HECTD4: variants seen among roughly 807,000 people sequenced by gnomAD.
HECTD4 encodes the protein HECT domain E3 ubiquitin protein ligase 4.
HECTD4 carries 114 observed loss-of-function variants against 471.5 expected under a neutral mutation model. That is an observed-to-expected ratio of 0.24 (90% CI 0.21 to 0.28). HECTD4 has a LOEUF of 0.28. Ranked by LOEUF, HECTD4 falls within the 10% of genes least tolerant of loss-of-function variation. HECTD4 has a pLI of 1.00. For missense variants in HECTD4, 3,866 were observed against 5,651.5 expected (o/e 0.68, Z 10.13); for synonymous variants, 2,012 against 2,256.0 (o/e 0.89, Z 3.07).
chr12:112,278,972 T>G (rs1277087712), intron 9 of HECTD4, among the ~76,000 whole-genome samples: 1 of 152,222 alleles, frequency 6.6e-6, no homozygotes, highest in Non-Finnish European at 1.5e-5. Context: ...TTATTTTATT[T>G]CCTAAAACTT....
At chr12:112,165,227 T>A (rs2030892087) in intron 72 of HECTD4, among the ~76,000 whole-genome samples, 1 of 151,494 alleles carries the variant, frequency 6.6e-6, no homozygotes, top group Non-Finnish European at 1.5e-5. Flanking sequence ...TCTTTCTTTT[T>A]TTTTTTTTAA....
chr12:112,248,584 T>C, intron 25 of HECTD4, 72 bp from the exon 26 acceptor site: 2 of 1,040,858 alleles, frequency 1.9e-6, no homozygotes, highest in Non-Finnish European at 2.7e-6. Flanking sequence ...TTTATTTTTA[T>C]TTTTTATTTC....
chr12:112,191,388 C>G lies in HECTD4; in HGVS notation c.9293-423G>C, dbSNP rs1026852092. On this transcript the variant is annotated intron_variant, in intron 59 of 75. Coordinates refer to ENST00000682272, the MANE Select transcript of HECTD4 (RefSeq NM_001388303.1). ...GACCATTATGCTTATTACAGTGGAC[C>G]AGCAAGGGGTCCCCAAGACTTAAGA... 2.0e-5 allele frequency among the ~76,000 whole-genome samples: 3 copies of G among 152,178 alleles called. 1 individual carries two copies. The highest frequency in any genetic ancestry group is 7.2e-5 in the African/African-American group (3 of 41,434).
intron 7 of HECTD4, among the ~76,000 whole-genome samples, chr12:112,303,632 T>C (rs1287748509): frequency 1.3e-5 from 2 of 152,024 alleles, no homozygotes; most frequent in Non-Finnish European, 2.9e-5. Flanking sequence ...TGCTGATCAC[T>C]TGAGCTCAGG....
intron 7 of HECTD4, chr12:112,302,065 G>A (rs1375301752): frequency 1.2e-5 from 17 of 1,367,158 alleles, no homozygotes; most frequent in African/African-American, 8.5e-5. Flanking sequence ...GTGTGAAGGC[G>A]ACAGTGGTGC....
chr12:112,241,240 T>C (rs935336740), intron 32 of HECTD4, among the ~76,000 whole-genome samples: 1 of 152,168 alleles, frequency 6.6e-6, no homozygotes, highest in Non-Finnish European at 1.5e-5. Flanking sequence ...TGCTGCCAGT[T>C]TTATGGAGAA....
intron 22 of HECTD4, among the ~76,000 whole-genome samples, 194 bp downstream of exon 22, chr12:112,253,849 G>T (rs904192076): frequency 1.3e-5 from 2 of 152,156 alleles, no homozygotes; most frequent in Non-Finnish European, 2.9e-5. Context: ...AGTGAACAGG[G>T]GTCTGATGTC....
intron 25 of HECTD4, 34 bp downstream of exon 25, chr12:112,250,110 A>G (rs781064607): frequency 3.3e-6 from 5 of 1,503,424 alleles, no homozygotes; most frequent in African/African-American, 1.4e-5. Context: ...TTTTTTTCCC[A>G]TTGGGAAAAG....
chr12:112,178,292 G>C (rs1489092545), intron 64 of HECTD4, among the ~76,000 whole-genome samples: 14 of 152,040 alleles, frequency 9.2e-5, no homozygotes, highest in Non-Finnish European at 1.9e-4. Context: ...TGCCCAGGCT[G>C]GTCTTGAACT....
rs767877347 is a variant in HECTD4 at position 112,305,922 on chromosome 12, A to G, written c.1335+142T>C. 4.5e-6 allele frequency: 3 copies of G among 664,220 alleles called. No individual in the cohort carries two copies. In the African/African-American group the frequency reaches 5.5e-5, roughly 12 times the overall value. The allele number at this position is 664,220 out of a possible 1,614,324, so 41.1% of individuals were successfully genotyped here. ...TCCAAACAAAGAAACCTTCAAAGACATCTAAGAGAAAAATCAATTTTAAGG... is the reference window on the plus strand; with the variant it reads ...TCCAAACAAAGAAACCTTCAAAGACGTCTAAGAGAAAAATCAATTTTAAGG... On this transcript the variant is annotated intron_variant, in intron 7 of 75. Transcript: ENST00000682272.
chr12:112,270,397 T>C lies in HECTD4; in HGVS notation c.2005A>G (p.Ile669Val), dbSNP rs760709490. ...GTGGCAAGAAGATTGAGTTGGTGTA[T>C]GCACATCGCACCAACGTGGTGCAAT... is the stretch of plus-strand genomic sequence containing the variant. ...QLLHHVGAMCIHQLNLLATNP... is the reference protein window; with the variant it reads ...QLLHHVGAMCVHQLNLLATNP... The change falls in exon 12 of 76, where the codon ATA becomes GTA. Residue 669 changes from isoleucine to valine, a missense_variant. By Grantham distance (29) the Ile-to-Val change is conservative. This residue lies in a region of HECTD4 where 525 missense variants were observed against 672.6 expected (regional missense o/e 0.78). Transcript: ENST00000682272. 4 of 1,614,036 alleles carry C rather than the reference T, an allele frequency of 2.5e-6. No individual in the cohort carries two copies. The highest frequency in any genetic ancestry group is 3.4e-6 in the Non-Finnish European group (4 of 1,179,898).
At position 112,239,056 on chromosome 12, in the gene HECTD4, C is replaced by T. The variant is rs2135575543; in HGVS notation, c.5286G>A (p.Glu1762=). The part of the protein sequence containing the change: ...LANRCVEWEK[E]EGGSTEAVHS... The stretch of plus-strand genomic sequence containing the variant: ...GAAAGGAGTCTGGCATCTCACCTTC[C>T]TCTTTTTCCCACTCAACACAGCGGT... The change falls in exon 34 of 76, where the codon GAG becomes GAA. Residue 1762 remains glutamate, a synonymous_variant. Transcript: ENST00000682272. This position sits in a 1 kb window ranked among gnomAD's most constrained non-coding sequence, Gnocchi z 4.9. 3 of 1,609,728 alleles carry T rather than the reference C, an allele frequency of 1.9e-6. No homozygotes were observed. The East Asian group carries it at 6.7e-5, about 36-fold the overall frequency.
intron 1 of HECTD4, among the ~76,000 whole-genome samples, chr12:112,342,282 C>A (rs1230638022): frequency 6.6e-6 from 1 of 152,026 alleles, no homozygotes; most frequent in Non-Finnish European, 1.5e-5. Flanking sequence ...ACAGGAAGAC[C>A]CTGTTTTCAA....
At chr12:112,265,317 TA>T in intron 15 of HECTD4, 22 bp from the exon 16 acceptor site, 1 of 1,465,470 alleles carries the variant, frequency 6.8e-7, no homozygotes, top group Non-Finnish European at 9.4e-7. Flanking sequence ...AGGAAAAATG[TA>T]ACAATAAAAT....
chr12:112,263,985 CA>C, intron 17 of HECTD4, 98 bp downstream of exon 17: 1 of 1,159,290 alleles, frequency 8.6e-7, no homozygotes, highest in Non-Finnish European at 1.2e-6. Context: ...ATATAAGCCA[CA>C]AGGTGAATTC....
At chr12:112,270,564 A>AT in intron 11 of HECTD4, 105 bp from the exon 12 acceptor site, 4 of 925,010 alleles carry the variant, frequency 4.3e-6, no homozygotes, top group Non-Finnish European at 6.7e-6. Context: ...AGAAAAGGAT[A>AT]TTTTGGCTAT....
intron 32 of HECTD4, among the ~76,000 whole-genome samples, chr12:112,241,724 T>C (rs1050541281): frequency 6.6e-6 from 1 of 152,194 alleles, no homozygotes; most frequent in African/African-American, 2.4e-5. Flanking sequence ...CCTCCTTAAG[T>C]GCTGGGATTA....
intron 1 of HECTD4, among the ~76,000 whole-genome samples, chr12:112,378,415 G>A (rs991660548): frequency 6.6e-6 from 1 of 151,592 alleles, no homozygotes; most frequent in Non-Finnish European, 1.5e-5. Context: ...TAGTAGAGAC[G>A]GGGTTTCACT....
At chr12:112,326,803 CAGAG>C in intron 1 of HECTD4, among the ~76,000 whole-genome samples, 1 of 152,168 alleles carries the variant, frequency 6.6e-6, no homozygotes, top group Non-Finnish European at 1.5e-5. Flanking sequence ...TTCAGAATAG[CAGAG>C]AGATAATTAT....
Sources: allele counts gnomAD v4.1 joint callset (sites outside exome capture counted in the v4.1 genomes callset), GRCh38; gene constraint gnomAD v4.1.1; regional missense constraint gnomAD v4.1.1; non-coding constraint Gnocchi (gnomAD v3.1); transcripts MANE v1.5; gene names NCBI Gene and HGNC (gene_info 2026-07-23, HGNC 2026-07-21).